Variants in RAB3IL1 observed in about 807,000 individuals in gnomAD.
RAB3IL1 encodes RAB3A interacting protein like 1, also known as guanine nucleotide exchange factor for Rab-3A.
A neutral mutation model predicts 49.2 loss-of-function variants in RAB3IL1; 37 were observed. The ratio of observed to expected loss-of-function variants is 0.75; its 90% CI spans 0.58 to 0.99. RAB3IL1 has a LOEUF of 0.99. RAB3IL1 is among the 50% of genes least tolerant of loss of function. RAB3IL1 has a pLI of 0.00. For synonymous variants in RAB3IL1, 193 were observed against 213.9 expected, an observed-to-expected ratio of 0.90 and a Z score of 0.85; for missense variants, 484 against 513.0, an observed-to-expected ratio of 0.94 and a Z score of 0.55.
the RAB3IL1 span, among the ~76,000 whole-genome samples, chr11:61,936,703 A>G: frequency 1.3e-5 from 2 of 152,374 alleles, no homozygotes; most frequent in African/African-American, 4.8e-5. Context: ...GCTAATCTCA[A>G]TAAGATTAAC....
At chr11:61,910,241 G>C (rs941208577) in intron 1 of RAB3IL1, among the ~76,000 whole-genome samples, 2 of 152,174 alleles carry the variant, frequency 1.3e-5, no homozygotes, top group Non-Finnish European at 2.9e-5. Flanking sequence ...TGTTGGAATC[G>C]GCGCATCTGC....
At chr11:61,927,436 C>A in the RAB3IL1 span, among the ~76,000 whole-genome samples, 1 of 152,156 alleles carries the variant, frequency 6.6e-6, no homozygotes. Context: ...AGTGCAAAGT[C>A]GTCTGGGAGC....
chr11:61,944,250 C>CCTTCCTTCCTTCCTTCCTTCCTTT, the RAB3IL1 span, among the ~76,000 whole-genome samples: 3 of 150,108 alleles, frequency 2.0e-5, no homozygotes, highest in African/African-American at 4.9e-5. Flanking sequence ...TTCCTTCCTT[C>CCTTCCTTCCTTCCTTCCTTCCTTT]CTTCCTTCCT....
At chr11:61,934,452 A>ATATATATATG in the RAB3IL1 span, among the ~76,000 whole-genome samples, 4 of 12,496 alleles carry the variant, frequency 3.2e-4, no homozygotes, top group African/African-American at 8.9e-4. Flanking sequence ...GTGTGTATGT[A>ATATATATATG]TATATATATA....
At chr11:61,932,333 G>A in the RAB3IL1 span, among the ~76,000 whole-genome samples, 4 of 151,972 alleles carry the variant, frequency 2.6e-5, no homozygotes, top group African/African-American at 9.7e-5. Flanking sequence ...AAGTATATGA[G>A]TTTTCAAATT....
intron 5 of RAB3IL1, among the ~76,000 whole-genome samples, chr11:61,905,458 A>C (rs1047433228): frequency 1.3e-5 from 2 of 152,162 alleles, no homozygotes; most frequent in Non-Finnish European, 2.9e-5. Context: ...GGGAGCGGCC[A>C]GGCCGGCTCG....
chr11:61,899,474 C>A, intron 8 of RAB3IL1, 94 bp from the exon 9 acceptor site: 2 of 1,229,978 alleles, frequency 1.6e-6, no homozygotes, highest in African/African-American at 1.5e-5. Flanking sequence ...GGCCCCAGGT[C>A]CCTGCAGAGC....
the RAB3IL1 span, among the ~76,000 whole-genome samples, chr11:61,946,164 C>T: frequency 6.6e-6 from 1 of 152,102 alleles, no homozygotes; most frequent in African/African-American, 2.4e-5. Context: ...TGTTCTGTGA[C>T]TGGCCCAAGA....
In RAB3IL1 at chr11:61,908,146, G is replaced by C; in HGVS notation, c.172C>G (p.Gln58Glu). The C allele has an allele frequency of 6.4e-7, 1 of 1,574,032 alleles. No individual in the cohort carries two copies. Among genetic ancestry groups the C allele is most frequent in the Non-Finnish European group, 8.6e-7 (1 of 1,162,282 alleles). The change falls in exon 2 of 10, where the codon CAG (glutamine) becomes GAG (glutamate). Residue 58 changes from glutamine to glutamate, a missense_variant. By Grantham distance (29) the Gln-to-Glu change is conservative. Transcript: ENST00000394836. ...CTGCGCAGGCGCAACACGTCCAGCTGGGCGGCTGCGGGGCCCTCCTGGCCT... is the reference window on the plus strand; with the variant it reads ...CTGCGCAGGCGCAACACGTCCAGCTCGGCGGCTGCGGGGCCCTCCTGGCCT... ...AQGQEGPAAA[Q>E]LDVLRLRSSS...
chr11:61,906,316 G>A lies in RAB3IL1; in HGVS notation c.657+150C>T. 2 of 745,518 alleles carry A rather than the reference G, an allele frequency of 2.7e-6. No homozygotes were observed. The highest frequency in any genetic ancestry group is 3.8e-4 in the Middle Eastern group (1 of 2,660). 46.2% of individuals were successfully genotyped at this position (745,518 alleles called of 1,614,324 possible). A position where few individuals can be genotyped will look rare whatever the true frequency, so the allele number is the denominator to read the frequency against. ...CAGATCACAGGAGGTTGGAGAGAAA[G>A]GACCTGCCCAGCCCTCACATCCCAG... is the stretch of plus-strand genomic sequence containing the variant. On this transcript the variant is annotated intron_variant, in intron 5 of 9. Coordinates refer to ENST00000394836, the MANE Select transcript of RAB3IL1 (RefSeq NM_013401.4). This position sits in a 1 kb window ranked among gnomAD's most constrained non-coding sequence, Gnocchi z 4.6.
At chr11:61,914,796 G>A (rs556765093) in intron 1 of RAB3IL1, among the ~76,000 whole-genome samples, 2 of 152,090 alleles carry the variant, frequency 1.3e-5, no homozygotes, top group East Asian at 1.9e-4. Flanking sequence ...GTGAGGAAAC[G>A]AAGCCCAGAA....
At position 61,899,365 on chromosome 11, in the gene RAB3IL1, T is replaced by C. The variant is rs1227378599; in HGVS notation, c.1015A>G (p.Asn339Asp). 1.2e-6 allele frequency: 2 copies of C among 1,609,544 alleles called. No homozygotes were observed. Among genetic ancestry groups the C allele is most frequent in the South Asian group, 2.2e-5 (2 of 90,958 alleles). Residue 339 changes from asparagine (N) to aspartate (D), a missense_variant, in exon 9 of 10, where the codon AAC becomes GAC. Coordinates refer to ENST00000394836, the MANE Select transcript of RAB3IL1 (RefSeq NM_013401.4). ...ATGTAGCGGATGTAGGTGAAGAAGT[T>C]GCACACTGCGGTGATCTGTGGGCAG... ...SSRARITAVCNFFTYIRYIQQ... is the reference protein window; with the variant it reads ...SSRARITAVCDFFTYIRYIQQ...
At chr11:61,913,011 C>G (rs1170163794) in intron 1 of RAB3IL1, among the ~76,000 whole-genome samples, 2 of 152,002 alleles carry the variant, frequency 1.3e-5, no homozygotes, top group South Asian at 4.1e-4. Context: ...GAGTGAGGAA[C>G]TGGGAGGGGG....
Position 61,897,960 on chromosome 11 carries a change from C to G in RAB3IL1, c.*318G>C, listed in dbSNP as rs1245746834. On this transcript the variant is annotated 3_prime_UTR_variant, in exon 10 of 10. Transcript: ENST00000394836. The stretch of plus-strand genomic sequence containing the variant: ...GGACTGGGGAGGGGGCGCTGGCTGC[C>G]TCAGGTGTCCCCTCCCAAGGGCTGA... The G allele has an allele frequency of 3.2e-6, 1 of 314,862 alleles. No individual in the cohort carries two copies. Among genetic ancestry groups the G allele is most frequent in the Non-Finnish European group, 6.0e-6 (1 of 166,774 alleles). The allele number at this position is 314,862 out of a possible 1,614,324, so 19.5% of individuals were successfully genotyped here.
At chr11:61,907,903 T>C in intron 2 of RAB3IL1, 151 bp downstream of exon 2, 1 of 1,253,430 alleles carries the variant, frequency 8.0e-7, no homozygotes, top group African/African-American at 1.5e-5. Flanking sequence ...TGACCATCGG[T>C]GCGCCCAGTA....
At chr11:61,915,486 G>C (rs1412542066) in intron 1 of RAB3IL1, among the ~76,000 whole-genome samples, 2 of 152,174 alleles carry the variant, frequency 1.3e-5, no homozygotes, top group Admixed American at 6.5e-5. Flanking sequence ...TAGAGGCCCA[G>C]AGAAGGAAGT....
intron 1 of RAB3IL1, among the ~76,000 whole-genome samples, chr11:61,912,756 TG>T (rs1939513061): frequency 6.6e-6 from 1 of 151,610 alleles, no homozygotes; most frequent in African/African-American, 2.4e-5. Flanking sequence ...AAGAGGCAGA[TG>T]GGGTTTGAGG....
chr11:61,935,550 T>C, the RAB3IL1 span, among the ~76,000 whole-genome samples: 1 of 152,148 alleles, frequency 6.6e-6, no homozygotes, highest in Non-Finnish European at 1.5e-5. Flanking sequence ...AGTCTTGTTT[T>C]GTCACCCAGG....
chr11:61,932,854 C>T, the RAB3IL1 span, among the ~76,000 whole-genome samples: 1 of 150,340 alleles, frequency 6.7e-6, no homozygotes, highest in Admixed American at 6.7e-5. Flanking sequence ...TCACTGCAAC[C>T]TCTGCCTCCA....
Sources: allele counts gnomAD v4.1 joint callset (sites outside exome capture counted in the v4.1 genomes callset), GRCh38; gene constraint gnomAD v4.1.1; non-coding constraint Gnocchi (gnomAD v3.1); transcripts MANE v1.5; gene names NCBI Gene and HGNC (gene_info 2026-07-23, HGNC 2026-07-21).